DLG3: variants seen among roughly 807,000 people sequenced by gnomAD.
DLG3 encodes the protein discs large MAGUK scaffold protein 3.
In DLG3, 1 loss-of-function variant was observed where a neutral mutation model predicts 64.1. That is an observed-to-expected ratio of 0.02 (90% CI 0.01 to 0.07). The LOEUF is 0.07. DLG3 is among the 10% of genes least tolerant of loss of function. The pLI is 1.00. For synonymous variants in DLG3, 245 were observed against 259.8 expected (o/e 0.94, Z 0.55); for missense variants, 429 against 669.5 (o/e 0.64, Z 3.96).
chrX:70,447,428 C>G (rs2086579702), intron 1 of DLG3, among the ~76,000 whole-genome samples: 1 of 112,350 alleles, frequency 8.9e-6, no homozygotes. Flanking sequence ...GGGTCACAGA[C>G]CAGGGTAAGG....
chrX:70,452,990 C>T, intron 7 of DLG3: 1 of 338,950 alleles, frequency 3.0e-6, no homozygotes, highest in Non-Finnish European at 5.0e-6. Flanking sequence ...TCGCATTTCT[C>T]ATGTGCTTGT....
chrX:70,498,149 G>A (rs2147886093), intron 13 of DLG3, among the ~76,000 whole-genome samples: 1 of 112,331 alleles, frequency 8.9e-6, no homozygotes, highest in African/African-American at 3.2e-5. Flanking sequence ...GGGGACTCGG[G>A]CAAGCATCTC....
chrX:70,500,944 G>A lies in DLG3; in HGVS notation c.2302G>A (p.Asp768Asn), dbSNP rs1263126554. ...ATATGAACAAGCAAATAAGATCTAT[G>A]ACAAAGCCATGAAACTGGAGCAGGA... The part of the protein sequence containing the change: ...QTYEQANKIY[D>N]KAMKLEQEFG... The change falls in exon 18 of 19, where the codon GAC becomes AAC. Residue 768 changes from aspartate (D) to asparagine (N), a missense_variant. This residue lies in a region of DLG3 where 48 missense variants were observed against 69.5 expected (regional missense o/e 0.69). Coordinates refer to ENST00000374360, the MANE Select transcript of DLG3 (RefSeq NM_021120.4). 8.3e-7 allele frequency: 1 copy of A among 1,203,801 alleles called. No homozygotes were observed. The highest frequency in any genetic ancestry group is 1.1e-6 in the Non-Finnish European group (1 of 891,239).
chrX:70,449,355 G>T lies in DLG3; in HGVS notation c.409-4G>T, dbSNP rs188475429. ...AGACTGTGCCTTTCCACCCACTTCT[G>T]CAGGGCAACTCTGGCCTGGGCTTCA... is the stretch of plus-strand genomic sequence containing the variant. On this transcript the variant is annotated splice_region_variant and splice_polypyrimidine_tract_variant and intron_variant, in intron 2 of 18. Coordinates refer to ENST00000374360, the MANE Select transcript of DLG3 (RefSeq NM_021120.4). 1,893 of 1,209,644 alleles carry T rather than the reference G, an allele frequency of 1.6e-3. 2 individuals carry two copies. The highest frequency in any genetic ancestry group is 2.9e-3 in the Admixed American group (135 of 45,777).
intron 10 of DLG3, among the ~76,000 whole-genome samples, chrX:70,486,113 T>C (rs1387533728): frequency 9.0e-6 from 1 of 111,507 alleles, no homozygotes; most frequent in Non-Finnish European, 1.9e-5. Flanking sequence ...AAAGCTGTTT[T>C]GTAGCCTACC....
At position 70,445,575 on chromosome X, in the gene DLG3, G is replaced by T. The variant is rs747339754; in HGVS notation, c.357+17G>T. On this transcript the variant is annotated intron_variant, in intron 1 of 18. Coordinates refer to ENST00000374360, the MANE Select transcript of DLG3 (RefSeq NM_021120.4). ...TATGAGCAGGTATGGACCAGCGGAG[G>T]GGGGAGCGGTGGGGCAACCCAGGAG... The T allele has an allele frequency of 5.1e-6, 6 of 1,170,350 alleles. No individual in the cohort carries two copies. Among genetic ancestry groups the T allele is most frequent in the East Asian group, 6.3e-5 (2 of 31,846 alleles).
Position 70,454,219 on chromosome X carries a change from T to C in DLG3, c.1308T>C (p.Asn436=). The change falls in exon 9 of 19, where the codon AAT becomes AAC. Residue 436 remains asparagine, a synonymous_variant. Transcript: ENST00000374360. The stretch of plus-strand genomic sequence containing the variant: ...CAGCTTCTCTCTTTGGACAGGTGAA[T>C]GGAGTGAATCTGAGGAATGCAACTC... The part of the protein sequence containing the change: ...LRRGDRILSV[N]GVNLRNATHE... The C allele has an allele frequency of 3.3e-6, 4 of 1,210,611 alleles. No individual in the cohort carries two copies. Among genetic ancestry groups the C allele is most frequent in the Non-Finnish European group, 4.5e-6 (4 of 894,579 alleles).
At chrX:70,452,662 T>C (rs1462991772) in intron 7 of DLG3, 3 of 1,200,139 alleles carry the variant, frequency 2.5e-6, no homozygotes, top group South Asian at 1.8e-5. Flanking sequence ...GGCTTGGCCA[T>C]GGGCTTGGGC....
chrX:70,466,247 T>TTGTGTGTG (rs61083333), intron 9 of DLG3, among the ~76,000 whole-genome samples: 239 of 84,411 alleles, frequency 2.8e-3, no homozygotes, highest in African/African-American at 6.9e-3. Flanking sequence ...TCTTGGTCAT[T>TTGTGTGTG]TGTGTGTGTG....
At chrX:70,469,741 C>G (rs894304916) in intron 9 of DLG3, among the ~76,000 whole-genome samples, 1 of 111,855 alleles carries the variant, frequency 8.9e-6, no homozygotes, top group African/African-American at 3.3e-5. Flanking sequence ...AGCCACCGCG[C>G]CAGCCCATCC....
In DLG3 at chrX:70,499,254, A is replaced by G; in HGVS notation, c.1949A>G (p.His650Arg). The G allele has an allele frequency of 8.3e-7, 1 of 1,208,257 alleles. No homozygotes were observed. Among genetic ancestry groups the G allele is most frequent in the Non-Finnish European group, 1.1e-6 (1 of 892,508 alleles). The change falls in exon 15 of 19, where the codon CAT (histidine) becomes CGT (arginine). Residue 650 changes from histidine to arginine, a missense_variant. Around this residue, in one of 9 missense-constraint regions of DLG3, gnomAD observed 46 missense variants for 64.4 expected, o/e 0.71. Coordinates refer to ENST00000374360, the MANE Select transcript of DLG3 (RefSeq NM_021120.4). ...GATGACCTGATCTCCGAATTTCCAC[A>G]TAAATTTGGATCCTGTGTGCCACGT... ...VNDDLISEFPHKFGSCVPHTT... is the reference protein window; with the variant it reads ...VNDDLISEFPRKFGSCVPHTT...
At position 70,502,283 on chromosome X, in the gene DLG3, A is replaced by G. The variant is rs2087579555; in HGVS notation, c.*14A>G. 8 of 1,117,627 alleles carry G rather than the reference A, an allele frequency of 7.2e-6. No homozygotes were observed. The highest frequency in any genetic ancestry group is 8.6e-6 in the Non-Finnish European group (7 of 811,790). The allele number at this position is 1,117,627 out of a possible 1,213,427, so 92.1% of individuals were successfully genotyped here. On this transcript the variant is annotated 3_prime_UTR_variant, in exon 19 of 19. Transcript: ENST00000374360. ...GAAAAACTCTGAAGAATCCCCTCCA[A>G]CCATTCTCTTGTGAACAGAAGAAAT...
chrX:70,501,246 A>G (rs1602994362), intron 18 of DLG3, among the ~76,000 whole-genome samples: 1 of 111,099 alleles, frequency 9.0e-6, no homozygotes, highest in African/African-American at 3.3e-5. Context: ...TCTTGTCCTT[A>G]CTAGATTGTA....
At chrX:70,492,419 T>A in intron 11 of DLG3, 102 bp from the exon 12 acceptor site, 12 of 1,121,695 alleles carry the variant, frequency 1.1e-5, no homozygotes, top group Non-Finnish European at 1.3e-5. Context: ...CTCAACATGG[T>A]TTTTACTCAG....
chrX:70,454,139 C>T, intron 8 of DLG3, 75 bp from the exon 9 acceptor site: 1 of 948,971 alleles, frequency 1.1e-6, no homozygotes, highest in Non-Finnish European at 1.5e-6. Context: ...GTACCCATCT[C>T]CCTCTCCTAA....
At chrX:70,448,460 T>A in intron 1 of DLG3, 1 of 571,992 alleles carries the variant, frequency 1.7e-6, no homozygotes, top group Non-Finnish European at 2.8e-6. Flanking sequence ...GATCCCCCAG[T>A]CAGGGAGAAC....
intron 9 of DLG3, among the ~76,000 whole-genome samples, chrX:70,460,615 G>A (rs995020195): frequency 8.9e-6 from 1 of 112,099 alleles, no homozygotes; most frequent in African/African-American, 3.2e-5. Context: ...ATGACCTTAC[G>A]ATTCATTCAT....
chrX:70,466,659 C>T (rs2086892870), intron 9 of DLG3, among the ~76,000 whole-genome samples: 1 of 110,268 alleles, frequency 9.1e-6, no homozygotes, highest in Admixed American at 9.7e-5. Context: ...AGGCTGGCCT[C>T]GAACTCCTGG....
At chrX:70,490,880 G>A (rs1280055151) in intron 10 of DLG3, among the ~76,000 whole-genome samples, 1 of 111,496 alleles carries the variant, frequency 9.0e-6, no homozygotes, top group Non-Finnish European at 1.9e-5. Flanking sequence ...TATGAAGACA[G>A]GTTCCACTGG....
Sources: gnomAD v4.1 joint callset for allele counts (sites outside exome capture counted in the v4.1 genomes callset) on GRCh38, gnomAD v4.1.1 for gene constraint, gnomAD v4.1.1 regional missense constraint, MANE v1.5 for transcripts, NCBI Gene and HGNC (gene_info 2026-07-23, HGNC 2026-07-21) for gene names.